COL6A6: variants seen among roughly 807,000 people sequenced by gnomAD.
The protein encoded by COL6A6 is collagen type VI alpha 6 chain.
A neutral mutation model predicts 208.6 loss-of-function variants in COL6A6; 183 were observed. The ratio of observed to expected loss-of-function variants is 0.88; its 90% CI spans 0.78 to 0.99. The LOEUF (loss-of-function observed/expected upper bound fraction) is 0.99. COL6A6 is among the 50% of genes least tolerant of loss of function. The probability of loss-of-function intolerance (pLI) is 0.00; values close to 1 mark genes in which losing one functional copy is unlikely to be tolerated. For synonymous variants in COL6A6, 973 were observed against 1,011.8 expected (o/e 0.96, Z 0.73); for missense variants, 2,816 against 2,815.2 (o/e 1.00, Z -0.01).
In COL6A6 at chr3:130,676,032, C is replaced by A. The variant is rs1307867923; in HGVS notation, c.*635C>A. 6.6e-6 allele frequency: 1 copy of A among 152,156 alleles called. No homozygotes were observed. Among genetic ancestry groups the A allele is most frequent in the African/African-American group, 2.4e-5 (1 of 41,432 alleles). 9.4% of individuals were successfully genotyped at this position (152,156 alleles called of 1,614,324 possible). A position where few individuals can be genotyped will look rare whatever the true frequency, so the allele number is the denominator to read the frequency against. On this transcript the variant is annotated 3_prime_UTR_variant, in exon 37 of 37. Coordinates refer to ENST00000358511, the MANE Select transcript of COL6A6 (RefSeq NM_001102608.3). Reference sequence around the variant, plus strand: ...CAGAACATAAATTATTGCTTTTGAGCTGGAAGTTTTCTCTTCATTAGGAAG... The same window carrying A: ...CAGAACATAAATTATTGCTTTTGAGATGGAAGTTTTCTCTTCATTAGGAAG...
At chr3:130,649,901 C>G (rs1461081378) in intron 33 of COL6A6, among the ~76,000 whole-genome samples, 2 of 152,188 alleles carry the variant, frequency 1.3e-5, no homozygotes, top group East Asian at 1.9e-4. Context: ...ATTTGCTGTT[C>G]TAGTGCTTCC....
chr3:130,590,480 GC>G (rs2063679703), intron 12 of COL6A6, among the ~76,000 whole-genome samples: 1 of 78,928 alleles, frequency 1.3e-5, no homozygotes, highest in Non-Finnish European at 2.4e-5. Context: ...CCCACGACAG[GC>G]CCCTGTGTGT....
At chr3:130,629,065 G>A (rs1469037251) in intron 26 of COL6A6, among the ~76,000 whole-genome samples, 6 of 55,402 alleles carry the variant, frequency 1.1e-4, no homozygotes, top group Admixed American at 3.2e-4. Flanking sequence ...TTGACGAGCT[G>A]AGAGAAGAAG....
chr3:130,649,488 G>A lies in COL6A6; in HGVS notation c.5659G>A (p.Glu1887Lys), dbSNP rs778032245. ...DAHSITTAAM[E>K]FGALEIIPVV... ...CCACTCCATCACCACGGCTGCCATG[G>A]AGTTCGGCGCGCTTGAAATCATTCC... is the stretch of plus-strand genomic sequence containing the variant. Residue 1887 changes from glutamate to lysine, a missense_variant, in exon 33 of 37, where the codon GAG (glutamate) becomes AAG (lysine). Transcript: ENST00000358511. The A allele has an allele frequency of 6.8e-6, 11 of 1,609,288 alleles. No individual in the cohort carries two copies. Among genetic ancestry groups the A allele is most frequent in the Middle Eastern group, 1.7e-4 (1 of 6,060 alleles).
intron 1 of COL6A6, among the ~76,000 whole-genome samples, chr3:130,547,523 G>A (rs189423842): frequency 1.3e-5 from 2 of 152,338 alleles, no homozygotes; most frequent in Admixed American, 6.5e-5. Context: ...GTGCAGTGGC[G>A]GGCTGAAGGG....
chr3:130,621,657 A>G (rs144076578), intron 23 of COL6A6, among the ~76,000 whole-genome samples, 164 bp from the exon 24 acceptor site: 21 of 152,288 alleles, frequency 1.4e-4, no homozygotes, highest in African/African-American at 5.1e-4. Flanking sequence ...TCTTTTATTT[A>G]CCAGTCTTTA....
intron 24 of COL6A6, among the ~76,000 whole-genome samples, 183 bp from the exon 25 acceptor site, chr3:130,626,302 G>T (rs892570516): frequency 1.1e-4 from 16 of 152,200 alleles, no homozygotes; most frequent in African/African-American, 3.6e-4. Context: ...AATCATGCTT[G>T]CTGAGGCTTC....
chr3:130,547,357 C>T (rs56941509), intron 1 of COL6A6, among the ~76,000 whole-genome samples: 7,212 of 152,356 alleles, frequency 0.047, 556 homozygotes, highest in African/African-American at 0.16. Context: ...ACTCCAAGTG[C>T]GGGGGCCCGC....
In COL6A6 at chr3:130,527,089, C is replaced by T. The variant is rs569680952; in HGVS notation, c.-32+9692C>T. ...CTCTTGCAGTAGAGCCACTGTGAAC[C>T]TCATACTCTTTTATTGTGGGGAGGG... On this transcript the variant is annotated intron_variant, in intron 1 of 36. Coordinates refer to ENST00000358511, the MANE Select transcript of COL6A6 (RefSeq NM_001102608.3). Among the ~76,000 whole-genome samples, 11 of 152,280 alleles carry T rather than the reference C, an allele frequency of 7.2e-5. No individual in the cohort carries two copies. The South Asian group carries it at 1.2e-3, about 17-fold the overall frequency.
intron 10 of COL6A6, 79 bp from the exon 11 acceptor site, chr3:130,586,427 T>C (rs1483761185): frequency 5.3e-6 from 7 of 1,314,968 alleles, no homozygotes; most frequent in Non-Finnish European, 7.3e-6. Flanking sequence ...TCACTGAGAA[T>C]AACAATTTAA....
rs764691137 is a variant in COL6A6, at chr3:130,566,739, T to A, written c.1320T>A (p.Leu440=). The change falls in exon 5 of 37, where the codon CTT becomes CTA. Residue 440 remains leucine, a synonymous_variant. Transcript: ENST00000358511. ...CTGAGGAAGCAGACATCTATCTGCT[T>A]ATCGATGGCTCAGGGAGCACCCAGG... is the stretch of plus-strand genomic sequence containing the variant. ...VDTEEADIYL[L]IDGSGSTQAT... is the part of the protein sequence containing the mutation. The A allele has an allele frequency of 6.2e-7, 1 of 1,613,550 alleles. No homozygotes were observed. Among genetic ancestry groups the A allele is most frequent in the Non-Finnish European group, 8.5e-7 (1 of 1,179,648 alleles).
intron 33 of COL6A6, 80 bp from the exon 34 acceptor site, chr3:130,658,596 A>T: frequency 1.2e-6 from 1 of 869,518 alleles, no homozygotes; most frequent in South Asian, 1.4e-5. Context: ...CTCTCTCCAG[A>T]TGTCAGTTCT....
At position 130,546,631 on chromosome 3, in the gene COL6A6, T is replaced by C. The variant is rs182403761; in HGVS notation, c.-31-13703T>C. On this transcript the variant is annotated intron_variant, in intron 1 of 36. Transcript: ENST00000358511. ...TTTTACAGAGAGCTAATTGATCCAT[T>C]TTGACAGGGTGCTGATTGGTGCATT... is the stretch of plus-strand genomic sequence containing the variant. 7.2e-5 allele frequency among the ~76,000 whole-genome samples: 11 copies of C among 152,302 alleles called. No individual in the cohort carries two copies. The East Asian group carries it at 2.1e-3, about 29-fold the overall frequency.
At position 130,634,630 on chromosome 3, in the gene COL6A6, C is replaced by T. The variant is rs746385174; in HGVS notation, c.5028+5C>T. On this transcript the variant is annotated splice_donor_5th_base_variant and intron_variant, in intron 27 of 36. Transcript: ENST00000358511. Reference sequence around the variant, plus strand: ...CCTGGAGAAAGTGGACCTAAGGTACCGTGTGCTTCCTAGTAACTAGAGATC... The same window carrying T: ...CCTGGAGAAAGTGGACCTAAGGTACTGTGTGCTTCCTAGTAACTAGAGATC... 34 of 1,603,960 alleles carry T rather than the reference C, an allele frequency of 2.1e-5. No individual in the cohort carries two copies. The highest frequency in any genetic ancestry group is 1.8e-4 in the East Asian group (8 of 44,660).
intron 11 of COL6A6, among the ~76,000 whole-genome samples, 184 bp downstream of exon 11, chr3:130,586,844 G>A (rs570691429): frequency 3.3e-5 from 5 of 152,300 alleles, no homozygotes; most frequent in Non-Finnish European, 5.9e-5. Context: ...GTAAAGAGAT[G>A]TCAAAGCATG....
intron 20 of COL6A6, among the ~76,000 whole-genome samples, chr3:130,606,317 G>A (rs942058094): frequency 7.2e-5 from 11 of 152,258 alleles, no homozygotes; most frequent in South Asian, 2.1e-4. Context: ...AGGAAAACTC[G>A]ATTATGTAGT....
intron 36 of COL6A6, among the ~76,000 whole-genome samples, chr3:130,673,841 C>T (rs1055634936): frequency 1.3e-5 from 2 of 152,094 alleles, no homozygotes; most frequent in African/African-American, 4.8e-5. Context: ...CCTGTAGTCC[C>T]AGCCATTCGG....
At chr3:130,646,837 T>C (rs944699780) in intron 32 of COL6A6, among the ~76,000 whole-genome samples, 3 of 152,144 alleles carry the variant, frequency 2.0e-5, no homozygotes, top group Non-Finnish European at 4.4e-5. Flanking sequence ...GTTGAAAGTA[T>C]GTAGGGGAGG....
chr3:130,610,031 T>C (rs1336944890), intron 22 of COL6A6, among the ~76,000 whole-genome samples: 2 of 151,542 alleles, frequency 1.3e-5, no homozygotes, highest in Non-Finnish European at 2.9e-5. Flanking sequence ...TTTCAATAGA[T>C]TGACTGCTTT....
Sources: allele counts gnomAD v4.1 joint callset (sites outside exome capture counted in the v4.1 genomes callset), GRCh38; gene constraint gnomAD v4.1.1; transcripts MANE v1.5; gene names NCBI Gene and HGNC (gene_info 2026-07-23, HGNC 2026-07-21).